RALYL: variants seen among roughly 807,000 people sequenced by gnomAD.
RALYL encodes the protein RNA-binding Raly-like protein.
RALYL carries 29 observed loss-of-function variants against 35.1 expected under a neutral mutation model. The ratio of observed to expected loss-of-function variants is 0.83; its 90% CI spans 0.61 to 1.13. RALYL has a LOEUF of 1.13. RALYL is among the 50% of genes most tolerant of loss of function. The probability of loss-of-function intolerance (pLI) is 0.00; values close to 1 mark genes in which losing one functional copy is unlikely to be tolerated. For missense variants in RALYL, 359 were observed against 360.4 expected, an observed-to-expected ratio of 1.00 and a Z score of 0.03; for synonymous variants, 120 against 127.6, an observed-to-expected ratio of 0.94 and a Z score of 0.40.
chr8:84,245,659 C>A (rs1274109970), intron 1 of RALYL, among the ~76,000 whole-genome samples: 1 of 152,018 alleles, frequency 6.6e-6, no homozygotes, highest in Non-Finnish European at 1.5e-5. Context: ...TTTTGGATAG[C>A]ATATATTCAT....
Position 84,760,400 on chromosome 8 carries a change from A to T in RALYL, c.257-14179A>T, listed in dbSNP as rs117379497. 9.6e-4 allele frequency among the ~76,000 whole-genome samples: 146 copies of T among 152,110 alleles called. No homozygotes were observed. The East Asian group carries it at 0.022, about 23-fold the overall frequency. On this transcript the variant is annotated intron_variant, in intron 2 of 8. Coordinates refer to ENST00000521268, the MANE Select transcript of RALYL (RefSeq NM_173848.7). ...TCCAAAGAGCTGTGATATTCTACCA[A>T]TTCATACAAGCAGAGATATAAGTAT...
intron 2 of RALYL, among the ~76,000 whole-genome samples, chr8:84,711,823 A>C (rs746172666): frequency 4.6e-5 from 7 of 152,200 alleles, no homozygotes; most frequent in Non-Finnish European, 1.0e-4. Context: ...CAAATTAAAT[A>C]GCAATATAAA....
At chr8:84,269,248 A>C (rs949165283) in intron 1 of RALYL, among the ~76,000 whole-genome samples, 1 of 152,176 alleles carries the variant, frequency 6.6e-6, no homozygotes, top group African/African-American at 2.4e-5. Flanking sequence ...ATATAGATTA[A>C]ATTACCAACT....
chr8:84,355,097 T>A (rs1851574423), intron 1 of RALYL, among the ~76,000 whole-genome samples: 1 of 150,396 alleles, frequency 6.6e-6, no homozygotes, highest in Admixed American at 6.6e-5. Context: ...ATTTCCTCCA[T>A]GAAGAAGACG....
intron 1 of RALYL, among the ~76,000 whole-genome samples, chr8:84,515,868 G>C (rs2058020460): frequency 6.6e-6 from 1 of 152,066 alleles, no homozygotes; most frequent in African/African-American, 2.4e-5. Context: ...GATTGCTCCT[G>C]TTCGGAATTT....
chr8:84,379,647 AAAC>A (rs1857556141), intron 1 of RALYL, among the ~76,000 whole-genome samples: 1 of 142,994 alleles, frequency 7.0e-6, no homozygotes, highest in Admixed American at 6.8e-5. Flanking sequence ...TTCCACTAAA[AAAC>A]AAACAAACAA....
rs1410383569 is a variant in RALYL at position 84,848,425 on chromosome 8, ATG to A, written c.366-1543_366-1542del. On this transcript the variant is annotated intron_variant, in intron 4 of 8. Coordinates refer to ENST00000521268, the MANE Select transcript of RALYL (RefSeq NM_173848.7). ...TATATATATGTGTGTGTATATATATATGTGTGTGTGTGTATATATATATATAT... is the reference window on the plus strand; with the variant it reads ...TATATATATGTGTGTGTATATATATATGTGTGTGTGTATATATATATATAT... 6.2e-3 allele frequency among the ~76,000 whole-genome samples: 842 copies of A among 136,634 alleles called. 12 individuals are homozygous for A. The highest frequency in any genetic ancestry group is 0.049 in the Middle Eastern group (12 of 246). 89.6% of individuals were successfully genotyped at this position (136,634 alleles called of 152,430 possible). A position where few individuals can be genotyped will look rare whatever the true frequency, so the allele number is the denominator to read the frequency against.
intron 1 of RALYL, among the ~76,000 whole-genome samples, chr8:84,316,741 A>G (rs1221032794): frequency 6.6e-6 from 1 of 152,132 alleles, no homozygotes; most frequent in South Asian, 2.1e-4. Context: ...CTTTACATCC[A>G]TGATTTTTAT....
intron 2 of RALYL, among the ~76,000 whole-genome samples, chr8:84,620,015 C>T (rs1186761735): frequency 6.6e-6 from 1 of 152,026 alleles, no homozygotes; most frequent in African/African-American, 2.4e-5. Flanking sequence ...TTCTCTCTGG[C>T]TGCCCTTAAC....
At chr8:84,462,035 A>C (rs1055006325) in intron 1 of RALYL, among the ~76,000 whole-genome samples, 3 of 151,776 alleles carry the variant, frequency 2.0e-5, no homozygotes, top group African/African-American at 4.8e-5. Flanking sequence ...AGATTGCAGC[A>C]GTGCCATTTT....
chr8:84,249,607 T>C (rs1361134404), intron 1 of RALYL, among the ~76,000 whole-genome samples: 1 of 152,152 alleles, frequency 6.6e-6, no homozygotes, highest in African/African-American at 2.4e-5. Flanking sequence ...AGGAATCCTA[T>C]AGTCTTGAAA....
chr8:84,716,548 G>C (rs529430937), intron 2 of RALYL, among the ~76,000 whole-genome samples: 2 of 152,218 alleles, frequency 1.3e-5, no homozygotes, highest in African/African-American at 4.8e-5. Context: ...GCACTGAACT[G>C]TCCTCCAGAG....
At chr8:84,830,162 T>C (rs1830596260) in intron 4 of RALYL, among the ~76,000 whole-genome samples, 1 of 152,068 alleles carries the variant, frequency 6.6e-6, no homozygotes, top group Non-Finnish European at 1.5e-5. Context: ...TTGGACCTCA[T>C]CTAGGAACAT....
chr8:84,711,084 C>T (rs545245740), intron 2 of RALYL, among the ~76,000 whole-genome samples: 24 of 152,162 alleles, frequency 1.6e-4, no homozygotes, highest in African/African-American at 5.5e-4. Context: ...GGTTCAGTTT[C>T]TCTCTGGATA....
intron 1 of RALYL, among the ~76,000 whole-genome samples, chr8:84,412,039 T>C (rs2044157072): frequency 6.6e-6 from 1 of 151,954 alleles, no homozygotes; most frequent in South Asian, 2.1e-4. Flanking sequence ...TGCTAAGTAC[T>C]AACAATACTA....
chr8:84,609,809 T>C (rs187278691), intron 2 of RALYL, among the ~76,000 whole-genome samples: 1 of 152,216 alleles, frequency 6.6e-6, no homozygotes, highest in East Asian at 1.9e-4. Context: ...TGGTAATCTA[T>C]AAAGGAAAGA....
intron 1 of RALYL, among the ~76,000 whole-genome samples, chr8:84,333,998 C>T (rs1188527661): frequency 6.6e-6 from 1 of 151,936 alleles, no homozygotes; most frequent in Non-Finnish European, 1.5e-5. Flanking sequence ...GGGATTCTCC[C>T]ACCTCAGCCT....
At chr8:84,759,086 C>T (rs1812095381) in intron 2 of RALYL, among the ~76,000 whole-genome samples, 1 of 152,054 alleles carries the variant, frequency 6.6e-6, no homozygotes, top group South Asian at 2.1e-4. Context: ...TGGGTTGAGT[C>T]TCATATCATG....
At chr8:84,377,459 T>TTTTGTTTGTTTGTTTGTTTG (rs1554640560) in intron 1 of RALYL, among the ~76,000 whole-genome samples, 42 of 139,998 alleles carry the variant, frequency 3.0e-4, no homozygotes, top group African/African-American at 1.2e-3. Context: ...CTGTTTTTTT[T>TTTTGTTTGTTTGTTTGTTTG]TTTTTTTTTT....
Sources: gnomAD v4.1 joint callset for allele counts (sites outside exome capture counted in the v4.1 genomes callset) on GRCh38, gnomAD v4.1.1 for gene constraint, MANE v1.5 for transcripts, NCBI Gene and HGNC (gene_info 2026-07-23, HGNC 2026-07-21) for gene names.